MYO1D: variants seen among roughly 807,000 people sequenced by gnomAD.
MYO1D encodes myosin ID, also known as unconventional myosin-Id.
MYO1D carries 83 observed loss-of-function variants against 122.0 expected under a neutral mutation model. The ratio of observed to expected loss-of-function variants is 0.68; its 90% CI spans 0.57 to 0.82. The LOEUF is 0.82. Ranked by LOEUF, MYO1D falls within the 40% of genes least tolerant of loss-of-function variation. MYO1D has a pLI of 0.00. For missense variants in MYO1D, 1,157 were observed against 1,269.5 expected (o/e 0.91, Z 1.35); for synonymous variants, 464 against 446.9 (o/e 1.04, Z -0.48).
chr17:32,597,191 A>G (rs546628524), intron 21 of MYO1D, among the ~76,000 whole-genome samples: 1 of 152,346 alleles, frequency 6.6e-6, no homozygotes, highest in African/African-American at 2.4e-5. Context: ...ACTAGCTGCC[A>G]CTTATTATTA....
At chr17:32,610,702 G>A (rs993010465) in intron 20 of MYO1D, among the ~76,000 whole-genome samples, 4 of 152,134 alleles carry the variant, frequency 2.6e-5, no homozygotes, top group African/African-American at 9.7e-5. Flanking sequence ...CTCTGTCTTC[G>A]AGGGTCTTAC....
intron 20 of MYO1D, among the ~76,000 whole-genome samples, chr17:32,617,576 G>A (rs1186691182): frequency 6.6e-6 from 1 of 152,106 alleles, no homozygotes; most frequent in Non-Finnish European, 1.5e-5. Flanking sequence ...AAGCAGCTGA[G>A]ATTACAGGCA....
At chr17:32,616,861 G>A (rs1292517378) in intron 20 of MYO1D, among the ~76,000 whole-genome samples, 1 of 152,130 alleles carries the variant, frequency 6.6e-6, no homozygotes, top group Non-Finnish European at 1.5e-5. Context: ...CTTCTGCCTC[G>A]TTTAATGGGA....
chr17:32,767,824 T>C (rs1440977654), intron 6 of MYO1D, 72 bp from the exon 7 acceptor site: 1 of 1,101,030 alleles, frequency 9.1e-7, no homozygotes, highest in Non-Finnish European at 1.4e-6. Flanking sequence ...ATTATAAAAC[T>C]AAGTTATACC....
chr17:32,731,599 T>C lies in MYO1D; in HGVS notation c.1746+6654A>G, dbSNP rs540085786. ...TGTGGAAATTCTTTAAGGTCTGGTA[T>C]TGGTGGCCCATCTGGAGCAGCTGCT... On this transcript the variant is annotated intron_variant, in intron 14 of 21. Transcript: ENST00000318217. Among the ~76,000 whole-genome samples the C allele has an allele frequency of 2.0e-5, 3 of 152,324 alleles. No individual in the cohort carries two copies. The South Asian group carries it at 6.2e-4, about 32-fold the overall frequency.
intron 1 of MYO1D, among the ~76,000 whole-genome samples, chr17:32,842,911 T>TG (rs1457668758): frequency 2.2e-5 from 3 of 135,552 alleles, no homozygotes; most frequent in African/African-American, 8.2e-5. Context: ...TTTTTTGAGA[T>TG]GGAGTCTCGC....
chr17:32,827,307 G>A (rs1290482165), intron 1 of MYO1D, among the ~76,000 whole-genome samples: 2 of 152,092 alleles, frequency 1.3e-5, no homozygotes, highest in Non-Finnish European at 2.9e-5. Context: ...AGTCACAAAA[G>A]GACAAATATT....
chr17:32,823,424 G>T (rs923142084), intron 1 of MYO1D, among the ~76,000 whole-genome samples: 1 of 151,892 alleles, frequency 6.6e-6, no homozygotes, highest in Non-Finnish European at 1.5e-5. Context: ...GTGAACTTTG[G>T]GTAACTTGCC....
At chr17:32,764,064 A>G (rs2090029662) in intron 8 of MYO1D, among the ~76,000 whole-genome samples, 1 of 152,224 alleles carries the variant, frequency 6.6e-6, no homozygotes, top group Non-Finnish European at 1.5e-5. Flanking sequence ...AAGGGAAGTA[A>G]AGTGGGTGAC....
intron 21 of MYO1D, among the ~76,000 whole-genome samples, chr17:32,544,329 A>AG (rs1248295200): frequency 1.3e-5 from 2 of 151,398 alleles, no homozygotes; most frequent in African/African-American, 4.9e-5. Flanking sequence ...TTGAACTCCT[A>AG]GGTTCAAGCG....
At chr17:32,540,459 G>T (rs1049728113) in intron 21 of MYO1D, among the ~76,000 whole-genome samples, 2 of 150,042 alleles carry the variant, frequency 1.3e-5, no homozygotes, top group Admixed American at 1.3e-4. Context: ...ATAATAAAAA[G>T]ACAGCCCAGT....
At chr17:32,541,448 G>A (rs1910835280) in intron 21 of MYO1D, among the ~76,000 whole-genome samples, 1 of 152,120 alleles carries the variant, frequency 6.6e-6, no homozygotes, top group African/African-American at 2.4e-5. Flanking sequence ...TCAGAGAATG[G>A]GGGTGACTGC....
chr17:32,809,101 C>T (rs1418977209), intron 1 of MYO1D, among the ~76,000 whole-genome samples: 1 of 150,946 alleles, frequency 6.6e-6, no homozygotes, highest in Non-Finnish European at 1.5e-5. Context: ...CACACCCCCT[C>T]CTAGGGCTGT....
At chr17:32,841,068 T>C (rs1006255564) in intron 1 of MYO1D, among the ~76,000 whole-genome samples, 19 of 152,232 alleles carry the variant, frequency 1.2e-4, no homozygotes, top group African/African-American at 3.9e-4. Context: ...GTTCTAAACA[T>C]GTTCAAGGTA....
At chr17:32,751,670 T>C (rs575318811) in intron 11 of MYO1D, among the ~76,000 whole-genome samples, 7 of 152,070 alleles carry the variant, frequency 4.6e-5, no homozygotes, top group Admixed American at 1.3e-4. Flanking sequence ...CCATTTACAA[T>C]ATCCACAAAC....
At chr17:32,574,917 C>T (rs1402258605) in intron 21 of MYO1D, among the ~76,000 whole-genome samples, 1 of 152,198 alleles carries the variant, frequency 6.6e-6, no homozygotes, top group Non-Finnish European at 1.5e-5. Flanking sequence ...CATTTATATG[C>T]TCTGAACTCT....
chr17:32,675,512 ACAAT>A (rs759022542), intron 16 of MYO1D, among the ~76,000 whole-genome samples: 3 of 152,186 alleles, frequency 2.0e-5, no homozygotes, highest in African/African-American at 4.8e-5. Flanking sequence ...TTATATAATA[ACAAT>A]CAAGTCAGAA....
At chr17:32,643,584 G>A (rs1340023279) in intron 19 of MYO1D, among the ~76,000 whole-genome samples, 1 of 151,722 alleles carries the variant, frequency 6.6e-6, no homozygotes, top group Non-Finnish European at 1.5e-5. Flanking sequence ...AGCTATTATT[G>A]CCTCAATTTC....
At chr17:32,645,921 T>A (rs1381924841) in intron 19 of MYO1D, among the ~76,000 whole-genome samples, 1 of 152,244 alleles carries the variant, frequency 6.6e-6, no homozygotes, top group Non-Finnish European at 1.5e-5. Context: ...TCATTCTCCA[T>A]CCAGCTTTGT....
Sources: gnomAD v4.1 joint callset for allele counts (sites outside exome capture counted in the v4.1 genomes callset) on GRCh38, gnomAD v4.1.1 for gene constraint, MANE v1.5 for transcripts, NCBI Gene and HGNC (gene_info 2026-07-23, HGNC 2026-07-21) for gene names.